The following NLRP14 variants were observed in gnomAD, a reference collection of about 807,000 sequenced individuals.
The protein encoded by NLRP14 is NACHT, LRR and PYD domains-containing protein 14.
A neutral mutation model predicts 94.7 loss-of-function variants in NLRP14; 105 were observed. The ratio of observed to expected loss-of-function variants is 1.11; its 90% CI spans 0.95 to 1.30. The LOEUF (loss-of-function observed/expected upper bound fraction) is 1.30. Among genes scored for constraint, NLRP14 ranks in the 50% most tolerant of loss-of-function variants. NLRP14 has a pLI of 0.00. For missense variants in NLRP14, 1,362 were observed against 1,254.1 expected, an observed-to-expected ratio of 1.09 and a Z score of -1.30; for synonymous variants, 508 against 459.9, an observed-to-expected ratio of 1.10 and a Z score of -1.34.
At position 7,049,755 on chromosome 11, in the gene NLRP14, A is replaced by G; in HGVS notation, c.2208A>G (p.Leu736=). Residue 736 remains leucine (L), a synonymous_variant, in exon 6 of 12, where the codon CTA becomes CTG. Transcript: ENST00000299481. ...ACAAGAATCTGATGCATCTTGACCTAAAAGGGAGTGATATAGGGGATAATG... is the reference window on the plus strand; with the variant it reads ...ACAAGAATCTGATGCATCTTGACCTGAAAGGGAGTGATATAGGGGATAATG... ...IHNKNLMHLD[L]KGSDIGDNGV... 2 of 1,609,758 alleles carry G rather than the reference A, an allele frequency of 1.2e-6. No individual in the cohort carries two copies. Among genetic ancestry groups the G allele is most frequent in the Non-Finnish European group, 1.7e-6 (2 of 1,176,072 alleles).
At chr11:7,045,503 C>A (rs2119630520) in intron 4 of NLRP14, among the ~76,000 whole-genome samples, 1 of 152,120 alleles carries the variant, frequency 6.6e-6, no homozygotes, top group African/African-American at 2.4e-5. Flanking sequence ...ACATTGTAAG[C>A]TTTGTGAGAG....
In NLRP14 at chr11:7,043,284, A is replaced by G. The variant is rs764355634; in HGVS notation, c.1258A>G (p.Asn420Asp). 1 of 1,614,174 alleles carries G rather than the reference A, an allele frequency of 6.2e-7. No homozygotes were observed. Among genetic ancestry groups the G allele is most frequent in the South Asian group, 1.1e-5 (1 of 91,074 alleles). The change falls in exon 4 of 12, where the codon AAC (asparagine) becomes GAC (aspartate). Residue 420 changes from asparagine to aspartate, a missense_variant. Asn to Asp is a conservative substitution (Grantham distance 23, BLOSUM62 1). Coordinates refer to ENST00000299481, the MANE Select transcript of NLRP14 (RefSeq NM_176822.4). ...PVDGGSPSLP[N>D]QAQLRRLCQV... ...AGATGGAGGCTCTCCTAGTCTACCC[A>G]ACCAAGCCCAGCTGAGAAGACTGTG...
Position 7,043,988 on chromosome 11 carries a change from AGT to A in NLRP14, c.1958+9_1958+10del, listed in dbSNP as rs762111606. ...CAAGCCTCCCAACTAACACTTGGTAAGTGTGTTAGGGCCATTCCCTGGAAGTG... is the reference window on the plus strand; with the variant it reads ...CAAGCCTCCCAACTAACACTTGGTAAGTGTTAGGGCCATTCCCTGGAAGTG... On this transcript the variant is annotated splice_donor_5th_base_variant and intron_variant, in intron 4 of 11. Coordinates refer to ENST00000299481, the MANE Select transcript of NLRP14 (RefSeq NM_176822.4). 7 of 1,613,534 alleles carry A rather than the reference AGT, an allele frequency of 4.3e-6. No homozygotes were observed. The South Asian group carries it at 7.7e-5, about 18-fold the overall frequency.
At chr11:7,084,333 G>T in the NLRP14 span, among the ~76,000 whole-genome samples, 2 of 152,052 alleles carry the variant, frequency 1.3e-5, no homozygotes, top group Non-Finnish European at 2.9e-5. Context: ...AAAACCTTTG[G>T]AACTTCCTGG....
chr11:7,036,270 T>C (rs1852158204), intron 1 of NLRP14, among the ~76,000 whole-genome samples: 1 of 152,214 alleles, frequency 6.6e-6, no homozygotes, highest in Non-Finnish European at 1.5e-5. Context: ...GTGCCAAACA[T>C]GTGTTCCTCT....
At chr11:7,052,716 A>T (rs1298326024) in intron 6 of NLRP14, among the ~76,000 whole-genome samples, 1 of 152,232 alleles carries the variant, frequency 6.6e-6, no homozygotes, top group Non-Finnish European at 1.5e-5. Context: ...TATCAACTAG[A>T]GTAAAATATT....
At chr11:7,044,867 A>G (rs1016432518) in intron 4 of NLRP14, among the ~76,000 whole-genome samples, 1 of 152,216 alleles carries the variant, frequency 6.6e-6, no homozygotes, top group Admixed American at 6.5e-5. Flanking sequence ...TTATTGATTC[A>G]AGCACACATC....
chr11:7,035,467 C>G (rs913990504), intron 1 of NLRP14, among the ~76,000 whole-genome samples: 5 of 152,162 alleles, frequency 3.3e-5, no homozygotes, highest in Non-Finnish European at 7.3e-5. Flanking sequence ...ATCCAGGGTT[C>G]TAATTGGCAT....
intron 10 of NLRP14, among the ~76,000 whole-genome samples, chr11:7,066,896 G>A (rs1304747265): frequency 3.9e-5 from 6 of 152,012 alleles, no homozygotes; most frequent in Non-Finnish European, 1.5e-5. Context: ...TAAGGAAGGG[G>A]TCCAGTTTCA....
At chr11:7,036,711 TGTG>T (rs35322280) in intron 1 of NLRP14, among the ~76,000 whole-genome samples, 22,938 of 152,024 alleles carry the variant, frequency 0.15, 2,122 homozygotes, top group Non-Finnish European at 0.21. Context: ...TCAGTGGAAT[TGTG>T]GTGGCAAAAG....
the NLRP14 span, among the ~76,000 whole-genome samples, chr11:7,080,695 A>G: frequency 1.3e-5 from 2 of 152,236 alleles, no homozygotes; most frequent in African/African-American, 4.8e-5. Flanking sequence ...TTCAAATGTT[A>G]TATGTTAAAC....
chr11:7,081,273 G>A, the NLRP14 span, among the ~76,000 whole-genome samples: 4 of 152,016 alleles, frequency 2.6e-5, no homozygotes, highest in African/African-American at 9.7e-5. Context: ...TAGGAGAAAC[G>A]GTTAATGAAT....
chr11:7,089,612 C>T, the NLRP14 span: 5 of 1,202,658 alleles, frequency 4.2e-6, no homozygotes, highest in Non-Finnish European at 5.2e-6. Flanking sequence ...CCAAGAGGGC[C>T]GCGCCGTCGG....
At chr11:7,075,019 T>C (rs1852856996), downstream of NLRP14, among the ~76,000 whole-genome samples, 1 of 152,168 alleles carries the variant, frequency 6.6e-6, no homozygotes, top group African/African-American at 2.4e-5. Flanking sequence ...GTTGACATTA[T>C]TGGTGTGGAG....
At chr11:7,064,799 A>G (rs548722712) in intron 10 of NLRP14, among the ~76,000 whole-genome samples, 1 of 152,092 alleles carries the variant, frequency 6.6e-6, no homozygotes, top group Non-Finnish European at 1.5e-5. Context: ...GTAAAGTTCA[A>G]TTTTATAATT....
chr11:7,090,053 C>T, the NLRP14 span: 1 of 1,612,858 alleles, frequency 6.2e-7, no homozygotes, highest in Non-Finnish European at 8.5e-7. Flanking sequence ...ACGAGGAGTA[C>T]CGGGGCTACT....
the NLRP14 span, chr11:7,089,456 C>G: frequency 3.7e-6 from 5 of 1,334,324 alleles, no homozygotes; most frequent in Non-Finnish European, 4.8e-6. Context: ...GCGGAACCCG[C>G]GGGGGTGGCG....
In NLRP14 at chr11:7,038,741, A is replaced by G. The variant is rs376740300; in HGVS notation, c.155A>G (p.Lys52Arg). 18 of 1,613,992 alleles carry G rather than the reference A, an allele frequency of 1.1e-5. No homozygotes were observed. Among genetic ancestry groups the G allele is most frequent in the Non-Finnish European group, 1.4e-5 (17 of 1,180,010 alleles). The change falls in exon 2 of 12, where the codon AAG becomes AGG. Residue 52 changes from lysine (K) to arginine (R), a missense_variant. Transcript: ENST00000299481. The part of the protein sequence containing the change: ...HGLTPWNEVK[K>R]ARREDLANLM... ...CTGACACCCTGGAATGAAGTGAAGA[A>G]GGCCAGGCGGGAGGACCTGGCCAAT...
At chr11:7,039,629 T>C (rs867192955) in intron 2 of NLRP14, 85 bp from the exon 3 acceptor site, 27 of 1,066,732 alleles carry the variant, frequency 2.5e-5, no homozygotes, top group Middle Eastern at 4.2e-4. Context: ...GGACCACTTA[T>C]GTGAATGCTG....
Sources: allele counts gnomAD v4.1 joint callset (sites outside exome capture counted in the v4.1 genomes callset), GRCh38; gene constraint gnomAD v4.1.1; transcripts MANE v1.5; gene names NCBI Gene and HGNC (gene_info 2026-07-23, HGNC 2026-07-21).